Variants in THUMPD3 observed in about 807,000 individuals in gnomAD.
THUMPD3 encodes THUMP domain 3 tRNA guanosine methyltransferase, also known as tRNA (guanine(6)-N(2))-methyltransferase THUMP3.
Under a neutral mutation model 54.5 loss-of-function variants are expected in THUMPD3, and 44 were observed. The ratio of observed to expected loss-of-function variants is 0.81; its 90% CI spans 0.63 to 1.04. THUMPD3 has a LOEUF of 1.04. Among genes scored for constraint, THUMPD3 ranks in the 50% least tolerant of loss-of-function variants. The pLI is 0.00. For synonymous variants in THUMPD3, 196 were observed against 201.4 expected, an observed-to-expected ratio of 0.97 and a Z score of 0.23; for missense variants, 604 against 601.3, an observed-to-expected ratio of 1.00 and a Z score of -0.05.
chr3:9,372,196 A>G (rs1189506878), intron 4 of THUMPD3, among the ~76,000 whole-genome samples: 3 of 152,304 alleles, frequency 2.0e-5, no homozygotes, highest in East Asian at 1.9e-4. Flanking sequence ...ACTATATTAT[A>G]TGGACTTTCA....
Position 9,371,109 on chromosome 3 carries a change from C to A in THUMPD3, c.380C>A (p.Ser127Ter). 1.3e-6 allele frequency: 2 copies of A among 1,598,332 alleles called. No individual in the cohort carries two copies. Among genetic ancestry groups the A allele is most frequent in the South Asian group, 2.3e-5 (2 of 86,630 alleles). ...FEDLAGKLPWSNPLKVWKINA... is the reference protein window; with the variant it reads ...FEDLAGKLPW Reference sequence around the variant, plus strand: ...GACTTGGCTGGAAAACTCCCATGGTCAAACCCCTTAAAAGTGTGGAAAATT... The same window carrying A: ...GACTTGGCTGGAAAACTCCCATGGTAAAACCCCTTAAAAGTGTGGAAAATT... The change falls in exon 4 of 10, where the codon TCA (serine) becomes TAA (stop). Residue 127 changes from serine to a stop codon, truncating the protein, a stop_gained. Coordinates refer to ENST00000452837, the MANE Select transcript of THUMPD3 (RefSeq NM_001114092.2). LOFTEE classifies it high-confidence loss of function.
At chr3:9,383,559 A>C (rs2033085804) in intron 8 of THUMPD3, among the ~76,000 whole-genome samples, 1 of 151,962 alleles carries the variant, frequency 6.6e-6, no homozygotes, top group African/African-American at 2.4e-5. Context: ...CCATTCTTGA[A>C]TTATATATCC....
rs774585432 is a variant in THUMPD3 at position 9,380,601 on chromosome 3, G to C, written c.1107G>C (p.Lys369Asn). ...AANNIASLLT[K>N]SQIKEGKPSW... ...ATAACATTGCATCTTTATTGACCAAGAGCCAAATTAAAGAAGGGTAAAAAT... is the reference window on the plus strand; with the variant it reads ...ATAACATTGCATCTTTATTGACCAACAGCCAAATTAAAGAAGGGTAAAAAT... The change falls in exon 7 of 10, where the codon AAG becomes AAC. Residue 369 changes from lysine (K) to asparagine (N), a missense_variant. Coordinates refer to ENST00000452837, the MANE Select transcript of THUMPD3 (RefSeq NM_001114092.2). 6.2e-7 allele frequency: 1 copy of C among 1,611,398 alleles called. No homozygotes were observed. The highest frequency in any genetic ancestry group is 1.3e-5 in the African/African-American group (1 of 74,944).
Position 9,384,739 on chromosome 3 carries a change from A to G in THUMPD3, c.*51A>G. 6.2e-7 allele frequency: 1 copy of G among 1,602,522 alleles called. No homozygotes were observed. Among genetic ancestry groups the G allele is most frequent in the Non-Finnish European group, 8.5e-7 (1 of 1,172,298 alleles). On this transcript the variant is annotated 3_prime_UTR_variant, in exon 10 of 10. Transcript: ENST00000452837. ...CCACCACTGGAAATGTTAGCATAAA[A>G]GAACTTGGAGAGGAAAAAAGTATTA... is the stretch of plus-strand genomic sequence containing the variant.
chr3:9,378,801 G>A (rs1350555174), intron 6 of THUMPD3, among the ~76,000 whole-genome samples: 2 of 152,158 alleles, frequency 1.3e-5, no homozygotes, highest in Admixed American at 6.5e-5. Flanking sequence ...GGCTTAAAGA[G>A]ACTGCACAGT....
chr3:9,385,472 A>G lies in THUMPD3; in HGVS notation c.*784A>G, dbSNP rs1435414945. 1 of 152,246 alleles carries G rather than the reference A, an allele frequency of 6.6e-6. No individual in the cohort carries two copies. Among genetic ancestry groups the G allele is most frequent in the African/African-American group, 2.4e-5 (1 of 41,474 alleles). 9.4% of individuals were successfully genotyped at this position (152,246 alleles called of 1,614,324 possible). On this transcript the variant is annotated 3_prime_UTR_variant, in exon 10 of 10. Transcript: ENST00000452837. Reference sequence around the variant, plus strand: ...TTATTACATTTTGTGAATGGTGTTCAGCCTATAAGACGAAGTCTCACAAGA... The same window carrying G: ...TTATTACATTTTGTGAATGGTGTTCGGCCTATAAGACGAAGTCTCACAAGA...
chr3:9,383,162 C>A, intron 7 of THUMPD3, 37 bp from the exon 8 acceptor site: 1 of 1,433,740 alleles, frequency 7.0e-7, no homozygotes, highest in African/African-American at 1.4e-5. Context: ...CTTTATGCTT[C>A]ACAGTATGTT....
rs1241357527 is a variant in THUMPD3, at chr3:9,385,710, GGT to G, written c.*1029_*1030del. On this transcript the variant is annotated 3_prime_UTR_variant, in exon 10 of 10. Coordinates refer to ENST00000452837, the MANE Select transcript of THUMPD3 (RefSeq NM_001114092.2). ...AATTGTTTTTCTTTCAGTACACTAAGGTGTGTGTTTTCAAAACCAAACACAAA... is the reference window on the plus strand; with the variant it reads ...AATTGTTTTTCTTTCAGTACACTAAGGTGTGTTTTCAAAACCAAACACAAA... 2 of 152,164 alleles carry G rather than the reference GGT, an allele frequency of 1.3e-5. No individual in the cohort carries two copies. Among genetic ancestry groups the G allele is most frequent in the Non-Finnish European group, 2.9e-5 (2 of 68,030 alleles). The allele number at this position is 152,164 out of a possible 1,614,324, so 9.4% of individuals were successfully genotyped here.
At chr3:9,380,374 A>G in intron 6 of THUMPD3, 129 bp from the exon 7 acceptor site, 2 of 623,862 alleles carry the variant, frequency 3.2e-6, no homozygotes, top group Non-Finnish European at 5.5e-6. Flanking sequence ...CAGCCAGGGA[A>G]ATAGCACAGT....
chr3:9,365,949 G>T (rs759965141), intron 2 of THUMPD3, among the ~76,000 whole-genome samples: 36 of 152,150 alleles, frequency 2.4e-4, no homozygotes, highest in Non-Finnish European at 4.7e-4. Flanking sequence ...TTTCCTTTCA[G>T]CATTGTGTTG....
At position 9,371,285 on chromosome 3, in the gene THUMPD3, G is replaced by T. The variant is rs1575062267; in HGVS notation, c.556G>T (p.Asp186Tyr). 1 of 1,613,898 alleles carries T rather than the reference G, an allele frequency of 6.2e-7. No individual in the cohort carries two copies. The highest frequency in any genetic ancestry group is 8.5e-7 in the Non-Finnish European group (1 of 1,179,918). Residue 186 changes from aspartate to tyrosine, a missense_variant, in exon 4 of 10, where the codon GAT (aspartate) becomes TAT (tyrosine). Coordinates refer to ENST00000452837, the MANE Select transcript of THUMPD3 (RefSeq NM_001114092.2). ...TSHALDSHILDYYENPAIKED... is the reference protein window; with the variant it reads ...TSHALDSHILYYYENPAIKED... ...CCATGCTTTAGATTCTCATATCTTA[G>T]ATTATTATGAAAATCCAGCCATCAA...
At chr3:9,379,568 C>G (rs992978117) in intron 6 of THUMPD3, among the ~76,000 whole-genome samples, 1 of 152,198 alleles carries the variant, frequency 6.6e-6, no homozygotes, top group African/African-American at 2.4e-5. Flanking sequence ...TCACCTCATT[C>G]CACAAATGAC....
chr3:9,386,147 TG>T lies in THUMPD3; in HGVS notation c.*1460del, dbSNP rs1457177729. On this transcript the variant is annotated 3_prime_UTR_variant, in exon 10 of 10. Transcript: ENST00000452837. ...GCCAGCAATCCTCATCTGGTTTCTCTGATCTCCTACCCCACACTTCATAATG... is the reference window on the plus strand; with the variant it reads ...GCCAGCAATCCTCATCTGGTTTCTCTATCTCCTACCCCACACTTCATAATG... 1 of 152,282 alleles carries T rather than the reference TG, an allele frequency of 6.6e-6. No homozygotes were observed. Among genetic ancestry groups the T allele is most frequent in the East Asian group, 1.9e-4 (1 of 5,204 alleles). 9.4% of individuals were successfully genotyped at this position (152,282 alleles called of 1,614,324 possible).
chr3:9,372,410 T>C (rs1301596171), intron 4 of THUMPD3, among the ~76,000 whole-genome samples: 1 of 152,122 alleles, frequency 6.6e-6, no homozygotes, highest in East Asian at 1.9e-4. Context: ...TGAAACCCTG[T>C]CTCTACTAAA....
chr3:9,378,038 TG>T (rs2032613901), intron 6 of THUMPD3, 150 bp downstream of exon 6: 7 of 630,598 alleles, frequency 1.1e-5, no homozygotes, highest in Non-Finnish European at 1.9e-5. Context: ...GGAACTTTTT[TG>T]TAAAGAATGT....
intron 1 of THUMPD3, chr3:9,363,985 T>C (rs1350391446): frequency 6.6e-6 from 1 of 152,052 alleles, no homozygotes; most frequent in Non-Finnish European, 1.5e-5. Context: ...GGTCTCGAAC[T>C]CTTGGCCTCA....
intron 7 of THUMPD3, among the ~76,000 whole-genome samples, chr3:9,381,841 T>G (rs1397953353): frequency 7.0e-5 from 9 of 129,258 alleles, no homozygotes; most frequent in East Asian, 2.7e-4. Context: ...GTGCAGTGGC[T>G]TGATCTCGGC....
intron 1 of THUMPD3, chr3:9,363,947 G>A (rs1436875320): frequency 6.6e-6 from 1 of 151,246 alleles, no homozygotes; most frequent in Non-Finnish European, 1.5e-5. Flanking sequence ...TTTTGGTAGA[G>A]ATGAGATTTT....
At chr3:9,374,468 AGT>A in intron 4 of THUMPD3, 46 bp from the exon 5 acceptor site, 1 of 1,602,786 alleles carries the variant, frequency 6.2e-7, no homozygotes, top group Non-Finnish European at 8.5e-7. Flanking sequence ...TACTAAGCGC[AGT>A]TTGAACAATC....
Sources: allele counts gnomAD v4.1 joint callset (sites outside exome capture counted in the v4.1 genomes callset), GRCh38; gene constraint gnomAD v4.1.1; transcripts MANE v1.5; gene names NCBI Gene and HGNC (gene_info 2026-07-23, HGNC 2026-07-21).